Variants in UBXN7 observed in about 807,000 individuals in gnomAD.
UBXN7 encodes the protein UBX domain protein 7.
A neutral mutation model predicts 58.0 loss-of-function variants in UBXN7; 9 were observed. The observed-to-expected ratio is 0.16, with a 90% CI of 0.09 to 0.27. UBXN7 has a LOEUF of 0.27. Among genes scored for constraint, UBXN7 ranks in the 10% least tolerant of loss-of-function variants. The pLI is 1.00. For synonymous variants in UBXN7, 208 were observed against 205.0 expected, an observed-to-expected ratio of 1.01 and a Z score of -0.12; for missense variants, 328 against 599.6, an observed-to-expected ratio of 0.55 and a Z score of 4.73.
Position 196,349,910 on chromosome 3 carries a change from T to TAAAGG in UBXN7, c.*6774_*6775insCCTTT, listed in dbSNP as rs1441721857. Reference sequence around the variant, plus strand: ...TTAGTCCAGCTTAGCTTGACTATTCTTCCCATTTGAAAACCCAAATGACCT... The same window carrying TAAAGG: ...TTAGTCCAGCTTAGCTTGACTATTCTAAAGGTCCCATTTGAAAACCCAAATGACCT... On this transcript the variant is annotated 3_prime_UTR_variant, in exon 11 of 11. Transcript: ENST00000296328. The TAAAGG allele has an allele frequency of 1.3e-5, 2 of 152,224 alleles. No homozygotes were observed. The highest frequency in any genetic ancestry group is 2.9e-5 in the Non-Finnish European group (2 of 68,032). The allele number at this position is 152,224 out of a possible 1,614,324, so 9.4% of individuals were successfully genotyped here.
intron 5 of UBXN7, among the ~76,000 whole-genome samples, chr3:196,372,728 C>T (rs1368729043): frequency 1.3e-5 from 2 of 151,678 alleles, no homozygotes; most frequent in Non-Finnish European, 2.9e-5. Flanking sequence ...TAATTTTATT[C>T]TCTTGCAACC....
At chr3:196,413,676 T>A (rs777148209) in intron 1 of UBXN7, among the ~76,000 whole-genome samples, 24 of 152,164 alleles carry the variant, frequency 1.6e-4, no homozygotes, top group Non-Finnish European at 3.2e-4. Flanking sequence ...CAGTCTTAGT[T>A]CAAGCCCTCA....
chr3:196,407,930 T>A (rs1730211752), intron 1 of UBXN7, among the ~76,000 whole-genome samples: 1 of 151,590 alleles, frequency 6.6e-6, no homozygotes. Flanking sequence ...AAATGCCGTC[T>A]CTACTAAAAA....
At chr3:196,373,813 C>G (rs1728912497) in intron 5 of UBXN7, among the ~76,000 whole-genome samples, 1 of 152,152 alleles carries the variant, frequency 6.6e-6, no homozygotes, top group Non-Finnish European at 1.5e-5. Context: ...CTGCCCTGGC[C>G]TCCAAAAGTC....
chr3:196,370,857 C>CAAAAAAA, intron 6 of UBXN7, among the ~76,000 whole-genome samples: 1 of 86,338 alleles, frequency 1.2e-5, no homozygotes, highest in Non-Finnish European at 2.3e-5. Flanking sequence ...CCCATCTCTA[C>CAAAAAAA]AAAAAAAAAA....
intron 1 of UBXN7, among the ~76,000 whole-genome samples, chr3:196,418,164 G>A (rs973153693): frequency 6.6e-6 from 1 of 151,980 alleles, no homozygotes; most frequent in African/African-American, 2.4e-5. Context: ...TGGAACCCAG[G>A]AGGCAGAGGT....
intron 1 of UBXN7, among the ~76,000 whole-genome samples, chr3:196,430,304 A>C (rs547315133): frequency 2.1e-4 from 32 of 151,998 alleles, no homozygotes; most frequent in African/African-American, 7.5e-4. Flanking sequence ...GCAGTGAGCC[A>C]AGATCGTGCC....
rs200136260 is a variant in UBXN7, at chr3:196,361,517, G to GAAGC, written c.1308+323_1308+326dup. ...GCTACAGAGAAATTTTTTGTCGAAG[G>GAAGC]AAGCAACTGATGCAGCAACTTCACT... On this transcript the variant is annotated intron_variant, in intron 10 of 10. Transcript: ENST00000296328. Among the ~76,000 whole-genome samples, 1,371 of 152,184 alleles carry GAAGC rather than the reference G, an allele frequency of 9.0e-3. 15 individuals carry two copies. The highest frequency in any genetic ancestry group is 0.03 in the African/African-American group (1,255 of 41,504).
intron 4 of UBXN7, among the ~76,000 whole-genome samples, chr3:196,392,506 C>CAA (rs889025547): frequency 7.2e-6 from 1 of 138,292 alleles, no homozygotes; most frequent in African/African-American, 2.7e-5. Context: ...GACTCCATCT[C>CAA]AAAAAAAAAA....
At chr3:196,423,796 G>A (rs1172254672) in intron 1 of UBXN7, among the ~76,000 whole-genome samples, 5 of 152,090 alleles carry the variant, frequency 3.3e-5, no homozygotes, top group African/African-American at 2.4e-5. Context: ...AAGCACCACA[G>A]GGACAGAAGA....
intron 3 of UBXN7, among the ~76,000 whole-genome samples, chr3:196,395,835 A>G (rs1007998219): frequency 1.3e-5 from 2 of 151,996 alleles, no homozygotes; most frequent in Admixed American, 6.6e-5. Flanking sequence ...GCATGATCTC[A>G]GCTCACTGTG....
At chr3:196,425,802 A>G (rs1475114964) in intron 1 of UBXN7, among the ~76,000 whole-genome samples, 2 of 152,186 alleles carry the variant, frequency 1.3e-5, no homozygotes, top group Non-Finnish European at 2.9e-5. Context: ...TTCTCCTGCA[A>G]GAAACATCTT....
intron 5 of UBXN7, among the ~76,000 whole-genome samples, chr3:196,376,529 G>C (rs867587211): frequency 8.6e-6 from 1 of 116,844 alleles, no homozygotes; most frequent in African/African-American, 3.3e-5. Flanking sequence ...CTGGGCGACA[G>C]AGCGAGACTC....
intron 10 of UBXN7, 111 bp downstream of exon 10, chr3:196,361,733 T>C (rs1029935656): frequency 2.2e-6 from 2 of 906,146 alleles, no homozygotes; most frequent in African/African-American, 1.7e-5. Flanking sequence ...GCACACTTAA[T>C]AGACTATGGA....
At chr3:196,427,019 C>T (rs567893822) in intron 1 of UBXN7, among the ~76,000 whole-genome samples, 10 of 152,284 alleles carry the variant, frequency 6.6e-5, no homozygotes, top group Admixed American at 4.6e-4. Flanking sequence ...CCGCTATGCA[C>T]AAAGCTCTAT....
intron 1 of UBXN7, chr3:196,431,242 G>C (rs545492794): frequency 6.6e-6 from 1 of 152,272 alleles, no homozygotes; most frequent in South Asian, 2.1e-4. Flanking sequence ...CTAACATTCT[G>C]ACCTCCTTCC....
chr3:196,397,390 GC>G (rs1729809433), intron 3 of UBXN7: 1 of 152,220 alleles, frequency 6.6e-6, no homozygotes, highest in South Asian at 2.1e-4. Flanking sequence ...CTTCAGATCT[GC>G]TTCTGCATTC....
rs556416397 is a variant in UBXN7, at chr3:196,353,974, C to G, written c.*2711G>C. The G allele has an allele frequency of 6.6e-6, 1 of 152,186 alleles. No individual in the cohort carries two copies. Among genetic ancestry groups the G allele is most frequent in the African/African-American group, 2.4e-5 (1 of 41,518 alleles). 9.4% of individuals were successfully genotyped at this position (152,186 alleles called of 1,614,324 possible). ...TCATTTAATCTATTCAATAAAACCT[C>G]TGCCCTAAGGAGCAAAGAAACTTGC... On this transcript the variant is annotated 3_prime_UTR_variant, in exon 11 of 11. Coordinates refer to ENST00000296328, the MANE Select transcript of UBXN7 (RefSeq NM_015562.2).
chr3:196,385,882 C>T (rs1321664462), intron 5 of UBXN7, among the ~76,000 whole-genome samples: 1 of 152,172 alleles, frequency 6.6e-6, no homozygotes, highest in African/African-American at 2.4e-5. Flanking sequence ...GAGGTGTACC[C>T]AATAGCTCAT....
Sources: allele counts gnomAD v4.1 joint callset (sites outside exome capture counted in the v4.1 genomes callset), GRCh38; gene constraint gnomAD v4.1.1; transcripts MANE v1.5; gene names NCBI Gene and HGNC (gene_info 2026-07-23, HGNC 2026-07-21).